PSMD13: variants seen among roughly 807,000 people sequenced by gnomAD.
PSMD13 encodes proteasome 26S subunit, non-ATPase 13.
PSMD13 carries 8 observed loss-of-function variants against 57.4 expected under a neutral mutation model. The observed-to-expected ratio is 0.14, with a 90% CI of 0.08 to 0.25. The LOEUF (loss-of-function observed/expected upper bound fraction) is 0.25. Ranked by LOEUF, PSMD13 falls within the 10% of genes least tolerant of loss-of-function variation. PSMD13 has a pLI of 1.00. For synonymous variants in PSMD13, 193 were observed against 168.2 expected (o/e 1.15, Z -1.14); for missense variants, 400 against 461.5 (o/e 0.87, Z 1.22).
At chr11:241,233 A>T (rs1182631215) in intron 2 of PSMD13, among the ~76,000 whole-genome samples, 3 of 151,864 alleles carry the variant, frequency 2.0e-5, no homozygotes, top group African/African-American at 7.3e-5. Flanking sequence ...CCGTCTCCCC[A>T]GTTCAAGCCA....
Position 248,929 on chromosome 11 carries a change from C to T in PSMD13, c.649-3C>T. ...TACTAGCTGACCATCTCCATCCTCA[C>T]AGCTCATGCACCCTGTGCTGGAGTC... On this transcript the variant is annotated splice_region_variant and splice_polypyrimidine_tract_variant and intron_variant, in intron 8 of 12. Coordinates refer to ENST00000532097, the MANE Select transcript of PSMD13 (RefSeq NM_002817.4). 1 of 1,614,194 alleles carries T rather than the reference C, an allele frequency of 6.2e-7. No homozygotes were observed. The highest frequency in any genetic ancestry group is 8.5e-7 in the Non-Finnish European group (1 of 1,180,030).
In PSMD13 at chr11:247,444, A is replaced by G. The variant is rs771058984; in HGVS notation, c.564A>G (p.Leu188=). Residue 188 remains leucine, a synonymous_variant, in exon 7 of 13, where the codon CTA becomes CTG. Transcript: ENST00000532097. ...RFLGCVDIKD[L]PVSEQQERAF... is the part of the protein sequence containing the mutation. Reference sequence around the variant, plus strand: ...TGGGCTGTGTTGACATCAAGGATCTACCAGGTAACCTAGGCCATTAAATCC... The same window carrying G: ...TGGGCTGTGTTGACATCAAGGATCTGCCAGGTAACCTAGGCCATTAAATCC... 3.8e-5 allele frequency: 62 copies of G among 1,613,118 alleles called. 1 individual carries two copies. The South Asian group carries it at 6.6e-4, about 17-fold the overall frequency.
intron 9 of PSMD13, 42 bp downstream of exon 9, chr11:249,099 C>G: frequency 6.2e-7 from 1 of 1,603,284 alleles, no homozygotes; most frequent in East Asian, 2.2e-5. Flanking sequence ...CCCCATGTAT[C>G]TACTCGCTCA....
chr11:250,980 G>C (rs2133993253), intron 10 of PSMD13, 115 bp downstream of exon 10: 2 of 876,668 alleles, frequency 2.3e-6, no homozygotes. Context: ...TGCTGCTTCT[G>C]CTGTGCGCCG....
chr11:252,789 T>G lies in PSMD13; in HGVS notation c.*189T>G, dbSNP rs1196870341. 2 of 569,176 alleles carry G rather than the reference T, an allele frequency of 3.5e-6. No individual in the cohort carries two copies. The highest frequency in any genetic ancestry group is 6.3e-6 in the Non-Finnish European group (2 of 318,354). 35.3% of individuals were successfully genotyped at this position (569,176 alleles called of 1,614,324 possible). A position where few individuals can be genotyped will look rare whatever the true frequency, so the allele number is the denominator to read the frequency against. On this transcript the variant is annotated 3_prime_UTR_variant, in exon 13 of 13. Transcript: ENST00000532097. This position sits in a 1 kb window ranked among gnomAD's most constrained non-coding sequence, Gnocchi z 4.1. Reference sequence around the variant, plus strand: ...GGAGCCAGGCCACAGGGAGGAGGCTTCTTTGTGGGTCTCTCCTGCAGAGGG... The same window carrying G: ...GGAGCCAGGCCACAGGGAGGAGGCTGCTTTGTGGGTCTCTCCTGCAGAGGG...
Position 252,524 on chromosome 11 carries a change from G to T in PSMD13, c.1055G>T (p.Arg352Leu). Residue 352 changes from arginine to leucine, a missense_variant, in exon 13 of 13, where the codon CGC becomes CTC. Physicochemically the swap from Arg to Leu is moderately radical, Grantham distance 102 (BLOSUM62 -2). Transcript: ENST00000532097. This position sits in a 1 kb window ranked among gnomAD's most constrained non-coding sequence, Gnocchi z 4.1. ...DLQQIKGMKD[R>L]LEFWCTDVKS... ...TTTCAGATCAAGGGAATGAAGGACC[G>T]CCTGGAGTTCTGGTGCACGGATGTG... The T allele has an allele frequency of 2.5e-6, 4 of 1,614,072 alleles. No homozygotes were observed. Among genetic ancestry groups the T allele is most frequent in the South Asian group, 1.1e-5 (1 of 91,084 alleles).
chr11:247,897 T>G (rs117134329), intron 7 of PSMD13: 5,257 of 153,812 alleles, frequency 0.034, 109 homozygotes, highest in Middle Eastern at 0.067. Context: ...ATGGGAAGAT[T>G]TGTGTAACCT....
chr11:249,671 A>AG (rs1327107673), intron 9 of PSMD13, among the ~76,000 whole-genome samples: 6 of 151,256 alleles, frequency 4.0e-5, no homozygotes, highest in African/African-American at 1.5e-4. Context: ...GTGCAAGGGG[A>AG]GGGCAGGCAC....
At chr11:243,553 C>T in intron 2 of PSMD13, 1 of 353,548 alleles carries the variant, frequency 2.8e-6, no homozygotes, top group Non-Finnish European at 5.5e-6. Flanking sequence ...ACCTTCCTTC[C>T]ACAGTGGTCT....
At chr11:241,823 C>A (rs1041954623) in intron 2 of PSMD13, among the ~76,000 whole-genome samples, 1 of 152,282 alleles carries the variant, frequency 6.6e-6, no homozygotes, top group East Asian at 1.9e-4. Flanking sequence ...TCCTCTCTGC[C>A]CCAGGCGTGT....
intron 2 of PSMD13, among the ~76,000 whole-genome samples, chr11:242,587 T>C (rs1295087931): frequency 6.6e-6 from 1 of 152,032 alleles, no homozygotes; most frequent in East Asian, 1.9e-4. Context: ...TCTTTTATAC[T>C]CCATAAAATT....
chr11:240,100 G>GTTTTTTT (rs1564820130), intron 2 of PSMD13, among the ~76,000 whole-genome samples: 3 of 44,478 alleles, frequency 6.7e-5, no homozygotes, highest in East Asian at 1.7e-3. Flanking sequence ...AATGAGACCT[G>GTTTTTTT]CTTTTTTTTT....
intron 1 of PSMD13, among the ~76,000 whole-genome samples, chr11:238,317 G>A (rs1446979789): frequency 6.6e-6 from 1 of 152,146 alleles, no homozygotes; most frequent in African/African-American, 2.4e-5. Context: ...ATAACCCTTT[G>A]AGTTAATCTA....
intron 1 of PSMD13, among the ~76,000 whole-genome samples, chr11:238,624 TG>T (rs1859443313): frequency 6.6e-6 from 1 of 152,196 alleles, no homozygotes; most frequent in African/African-American, 2.4e-5. Flanking sequence ...TGAGCCGAGA[TG>T]GCGCCACTGC....
chr11:250,669 C>A, intron 9 of PSMD13, 134 bp from the exon 10 acceptor site: 1 of 705,464 alleles, frequency 1.4e-6, no homozygotes. Flanking sequence ...CAGCAGTCTG[C>A]AATGTGAAAT....
intron 1 of PSMD13, among the ~76,000 whole-genome samples, chr11:238,651 A>G (rs1487601555): frequency 4.6e-5 from 7 of 152,228 alleles, no homozygotes; most frequent in African/African-American, 1.7e-4. Flanking sequence ...AGCCTGGGCA[A>G]CAGAGTCAGA....
At chr11:238,058 T>C (rs2283143) in intron 1 of PSMD13, among the ~76,000 whole-genome samples, 2,081 of 152,378 alleles carry the variant, frequency 0.014, 42 homozygotes, top group East Asian at 0.078. Flanking sequence ...TAGCACTTGG[T>C]AATTTTCAAA....
At chr11:241,225 G>A (rs1031353779) in intron 2 of PSMD13, among the ~76,000 whole-genome samples, 12 of 151,940 alleles carry the variant, frequency 7.9e-5, no homozygotes, top group East Asian at 1.9e-4. Flanking sequence ...TGCAACCTCC[G>A]TCTCCCCAGT....
At chr11:250,370 T>C (rs1859745581) in intron 9 of PSMD13, among the ~76,000 whole-genome samples, 1 of 152,222 alleles carries the variant, frequency 6.6e-6, no homozygotes, top group Non-Finnish European at 1.5e-5. Flanking sequence ...TCTCTAGAAC[T>C]TAAGGAAGCT....
Sources: gnomAD v4.1 joint callset for allele counts (sites outside exome capture counted in the v4.1 genomes callset) on GRCh38, gnomAD v4.1.1 for gene constraint, Gnocchi (gnomAD v3.1) non-coding constraint, MANE v1.5 for transcripts, NCBI Gene and HGNC (gene_info 2026-07-23, HGNC 2026-07-21) for gene names.